The following RBM47 variants were observed in gnomAD, a reference collection of about 807,000 sequenced individuals.
The protein encoded by RBM47 is RNA binding motif protein 47, also known as RNA-binding protein 47.
RBM47 carries 21 observed loss-of-function variants against 47.1 expected under a neutral mutation model. The ratio of observed to expected loss-of-function variants is 0.45; its 90% CI spans 0.32 to 0.64. The LOEUF (loss-of-function observed/expected upper bound fraction) is 0.64. RBM47 is among the 30% of genes least tolerant of loss of function. The probability of loss-of-function intolerance (pLI) is 0.05; values close to 1 mark genes in which losing one functional copy is unlikely to be tolerated. For missense variants in RBM47, 708 were observed against 870.9 expected, an observed-to-expected ratio of 0.81 and a Z score of 2.35; for synonymous variants, 375 against 361.7, an observed-to-expected ratio of 1.04 and a Z score of -0.42.
At chr4:40,527,278 A>C (rs1436940275) in intron 2 of RBM47, among the ~76,000 whole-genome samples, 3 of 144,338 alleles carry the variant, frequency 2.1e-5, no homozygotes, top group African/African-American at 7.8e-5. Context: ...GTATGCCACC[A>C]CAACTGGCTA....
chr4:40,473,581 G>C (rs1207588245), intron 2 of RBM47, among the ~76,000 whole-genome samples: 8 of 152,148 alleles, frequency 5.3e-5, no homozygotes, highest in Admixed American at 5.2e-4. Context: ...CTCAACCTAG[G>C]TTAGAAATAT....
At chr4:40,594,509 T>TACCAG (rs71648911) in intron 1 of RBM47, among the ~76,000 whole-genome samples, 1 of 151,594 alleles carries the variant, frequency 6.6e-6, no homozygotes, top group Non-Finnish European at 1.5e-5. Context: ...CTGTCAAAGC[T>TACCAG]ACTCCTCTGC....
intron 2 of RBM47, among the ~76,000 whole-genome samples, chr4:40,492,500 C>T (rs1560415982): frequency 6.6e-6 from 1 of 152,198 alleles, no homozygotes; most frequent in Non-Finnish European, 1.5e-5. Flanking sequence ...CTCTCCTGTT[C>T]CGATCATTGT....
At chr4:40,618,447 CT>C (rs1488620869) in intron 1 of RBM47, among the ~76,000 whole-genome samples, 1 of 152,012 alleles carries the variant, frequency 6.6e-6, no homozygotes, top group Non-Finnish European at 1.5e-5. Context: ...ATAAGAAATA[CT>C]TTTCCGAAAA....
At chr4:40,484,399 C>T (rs973491323) in intron 2 of RBM47, among the ~76,000 whole-genome samples, 1 of 152,274 alleles carries the variant, frequency 6.6e-6, no homozygotes, top group African/African-American at 2.4e-5. Context: ...TCCTTTCTTC[C>T]TGATTTAGTT....
rs181529023 is a variant in RBM47, at chr4:40,577,138, A to G, written c.-239-32632T>C. On this transcript the variant is annotated intron_variant, in intron 1 of 6. Transcript: ENST00000295971. ...TAAAGAGGAAACCCTGAGTGAGTCA[A>G]TCATGAACACATGACTGTTCTTAGT... Among the ~76,000 whole-genome samples, 288 of 152,344 alleles carry G rather than the reference A, an allele frequency of 1.9e-3. 2 individuals carry two copies. Among genetic ancestry groups the G allele is most frequent in the African/African-American group, 6.5e-3 (272 of 41,576 alleles).
At position 40,423,779 on chromosome 4, in the gene RBM47, T is replaced by C. The variant is rs949327661; in HGVS notation, c.*2125A>G. ...AAATAATTTACAGGCATATGTAAAATACAGTAAGAATACTGGGTCATAGTT... is the reference window on the plus strand; with the variant it reads ...AAATAATTTACAGGCATATGTAAAACACAGTAAGAATACTGGGTCATAGTT... On this transcript the variant is annotated 3_prime_UTR_variant, in exon 7 of 7. Transcript: ENST00000295971. The C allele has an allele frequency of 2.6e-5, 4 of 152,192 alleles. No homozygotes were observed. The highest frequency in any genetic ancestry group is 4.4e-5 in the Non-Finnish European group (3 of 67,976). The allele number at this position is 152,192 out of a possible 1,614,324, so 9.4% of individuals were successfully genotyped here. A position where few individuals can be genotyped will look rare whatever the true frequency, so the allele number is the denominator to read the frequency against.
intron 3 of RBM47, among the ~76,000 whole-genome samples, chr4:40,456,366 T>C (rs1186752156): frequency 2.6e-5 from 4 of 152,152 alleles, no homozygotes; most frequent in Admixed American, 6.5e-5. Context: ...TTTTTAATTA[T>C]AAAAGTCATC....
At chr4:40,562,765 C>A (rs1036489848) in intron 1 of RBM47, among the ~76,000 whole-genome samples, 2 of 152,128 alleles carry the variant, frequency 1.3e-5, no homozygotes, top group African/African-American at 2.4e-5. Context: ...CGTGCCCAGC[C>A]GAAATATTTC....
chr4:40,441,029 G>T (rs1277641906), intron 3 of RBM47, among the ~76,000 whole-genome samples: 2 of 151,990 alleles, frequency 1.3e-5, no homozygotes, highest in Non-Finnish European at 2.9e-5. Context: ...TTGGAAGCTG[G>T]TTTGACGTCT....
Position 40,530,184 on chromosome 4 carries a change from C to T in RBM47, c.-155+14238G>A, listed in dbSNP as rs184678438. Among the ~76,000 whole-genome samples, 772 of 152,044 alleles carry T rather than the reference C, an allele frequency of 5.1e-3. 8 individuals are homozygous for T. The highest frequency in any genetic ancestry group is 0.018 in the African/African-American group (733 of 41,510). ...CTCCCGACCTCAGGTGATCCGCCCA[C>T]CTTGGCCTCTCAAAGTGCTGGGATT... On this transcript the variant is annotated intron_variant, in intron 2 of 6. Transcript: ENST00000295971.
intron 1 of RBM47, among the ~76,000 whole-genome samples, chr4:40,620,056 G>A (rs1233209007): frequency 6.6e-6 from 1 of 151,684 alleles, no homozygotes; most frequent in Non-Finnish European, 1.5e-5. Context: ...AATTTGCCAG[G>A]CCTCATAGCT....
intron 2 of RBM47, among the ~76,000 whole-genome samples, chr4:40,537,071 T>C (rs1577910199): frequency 6.6e-6 from 1 of 152,198 alleles, no homozygotes; most frequent in African/African-American, 2.4e-5. Context: ...CCACTAGATC[T>C]ATGAAACTTT....
chr4:40,544,922 T>C (rs1343220887), intron 1 of RBM47, among the ~76,000 whole-genome samples: 1 of 151,980 alleles, frequency 6.6e-6, no homozygotes, highest in Non-Finnish European at 1.5e-5. Context: ...AAATTTAAAA[T>C]TAGCTGGGCG....
intron 3 of RBM47, among the ~76,000 whole-genome samples, chr4:40,442,607 C>T (rs896539498): frequency 6.6e-6 from 1 of 152,106 alleles, no homozygotes; most frequent in African/African-American, 2.4e-5. Flanking sequence ...GGAAGCAACC[C>T]AAATGTTGAT....
At chr4:40,448,908 A>G (rs1481635583) in intron 3 of RBM47, among the ~76,000 whole-genome samples, 2 of 152,182 alleles carry the variant, frequency 1.3e-5, no homozygotes, top group Non-Finnish European at 2.9e-5. Context: ...TGTTGCCCCA[A>G]ACTTGGGGTG....
chr4:40,587,350 G>A (rs1266131174), intron 1 of RBM47, among the ~76,000 whole-genome samples: 1 of 152,084 alleles, frequency 6.6e-6, no homozygotes, highest in Admixed American at 6.6e-5. Flanking sequence ...GCAGGGATGG[G>A]GGTTAACACT....
At chr4:40,590,338 C>T (rs1734012697) in intron 1 of RBM47, among the ~76,000 whole-genome samples, 1 of 151,920 alleles carries the variant, frequency 6.6e-6, no homozygotes, top group African/African-American at 2.4e-5. Flanking sequence ...GAGGTGACGG[C>T]AGGCCATGAT....
At chr4:40,549,694 T>C (rs1729374828) in intron 1 of RBM47, among the ~76,000 whole-genome samples, 1 of 151,518 alleles carries the variant, frequency 6.6e-6, no homozygotes, top group African/African-American at 2.4e-5. Flanking sequence ...AGCTAATTTT[T>C]TTTTGAGACG....
Sources: gnomAD v4.1 joint callset for allele counts (sites outside exome capture counted in the v4.1 genomes callset) on GRCh38, gnomAD v4.1.1 for gene constraint, MANE v1.5 for transcripts, NCBI Gene and HGNC (gene_info 2026-07-23, HGNC 2026-07-21) for gene names.